Variants in CFAP57 observed in about 807,000 individuals in gnomAD.
CFAP57 encodes the protein cilia and flagella associated protein 57, also known as cilia- and flagella-associated protein 57.
A neutral mutation model predicts 146.8 loss-of-function variants in CFAP57; 116 were observed. The observed-to-expected ratio is 0.79, with a 90% CI of 0.68 to 0.92. The LOEUF (loss-of-function observed/expected upper bound fraction) is 0.92, where lower values mean the gene tolerates loss of function less well. CFAP57 is among the 40% of genes least tolerant of loss of function. The pLI is 0.00. For missense variants in CFAP57, 1,377 were observed against 1,527.2 expected (o/e 0.90, Z 1.64); for synonymous variants, 518 against 552.8 (o/e 0.94, Z 0.88).
intron 2 of CFAP57, among the ~76,000 whole-genome samples, chr1:43,173,737 C>A (rs1645066551): frequency 1.3e-5 from 2 of 152,194 alleles, no homozygotes; most frequent in South Asian, 4.1e-4. Context: ...TGGGAAATAA[C>A]AATCATTTGC....
intron 14 of CFAP57, among the ~76,000 whole-genome samples, chr1:43,221,826 A>G (rs1645056640): frequency 6.6e-6 from 1 of 151,862 alleles, no homozygotes; most frequent in Admixed American, 6.6e-5. Flanking sequence ...TATTTTTCAC[A>G]CTCAGGATAT....
In CFAP57 at chr1:43,238,415, T is replaced by C. The variant is rs1374433459; in HGVS notation, c.3405+3777T>C. Among the ~76,000 whole-genome samples, 3 of 152,172 alleles carry C rather than the reference T, an allele frequency of 2.0e-5. No homozygotes were observed. The highest frequency in any genetic ancestry group is 4.4e-5 in the Non-Finnish European group (3 of 68,022). On this transcript the variant is annotated intron_variant, in intron 21 of 22. Transcript: ENST00000372492. This position sits in a 1 kb window ranked among gnomAD's most constrained non-coding sequence, Gnocchi z 4.3. ...GAGCCCCTTTGCTTAGAAAGCTTTT[T>C]ACATAAACAGTTTCACATCCCCCAA...
chr1:43,247,930 C>A (rs565238931), intron 22 of CFAP57, among the ~76,000 whole-genome samples: 1 of 152,210 alleles, frequency 6.6e-6, no homozygotes, highest in African/African-American at 2.4e-5. Context: ...TCGAGACCAT[C>A]CTGGCTAACA....
chr1:43,207,544 C>T (rs895970195), intron 10 of CFAP57, among the ~76,000 whole-genome samples: 1 of 152,138 alleles, frequency 6.6e-6, no homozygotes, highest in African/African-American at 2.4e-5. Context: ...AAATACACTC[C>T]GTGATGTTTG....
rs1199127867 is a variant in CFAP57 at position 43,172,869 on chromosome 1, T to C, written c.116T>C (p.Val39Ala). The change falls in exon 2 of 23, where the codon GTG becomes GCG. Residue 39 changes from valine to alanine, a missense_variant. Physicochemically the swap from Val to Ala is moderately conservative, Grantham distance 64. Coordinates refer to ENST00000372492, the MANE Select transcript of CFAP57 (RefSeq NM_001378189.1). ...ATATTTCCTTCAGGAAATCACTGTG[T>C]GAAGTACAATGTGGATCAGAAATGG... ...IIIFPSGNHCVKYNVDQKWQK... is the reference protein window; with the variant it reads ...IIIFPSGNHCAKYNVDQKWQK... 2.5e-6 allele frequency: 4 copies of C among 1,614,060 alleles called. No homozygotes were observed. The highest frequency in any genetic ancestry group is 3.3e-5 in the Admixed American group (2 of 60,008).
In CFAP57 at chr1:43,201,943, G is replaced by A. The variant is rs1644143809; in HGVS notation, c.1542+2440G>A. On this transcript the variant is annotated intron_variant, in intron 9 of 22. Transcript: ENST00000372492. This position sits in a 1 kb window ranked among gnomAD's most constrained non-coding sequence, Gnocchi z 4.4. The stretch of plus-strand genomic sequence containing the variant: ...GGACATTATTAATGAGAGCTGCTGA[G>A]CCTCCTCAGCTTCAGCAATATAATT... Among the ~76,000 whole-genome samples the A allele has an allele frequency of 6.6e-6, 1 of 152,130 alleles. No homozygotes were observed.
intron 9 of CFAP57, among the ~76,000 whole-genome samples, chr1:43,205,491 GTGTA>G (rs1644319686): frequency 1.3e-5 from 2 of 152,320 alleles, no homozygotes; most frequent in South Asian, 4.1e-4. Context: ...GCACATGCGT[GTGTA>G]TGTGTGTGTG....
intron 6 of CFAP57, chr1:43,194,556 C>T (rs1305989562): frequency 2.6e-5 from 4 of 152,132 alleles, no homozygotes. Flanking sequence ...TCTTTCTCCT[C>T]TCCTTCTAGC....
chr1:43,249,603 T>C (rs1646261480), intron 22 of CFAP57, among the ~76,000 whole-genome samples: 1 of 143,088 alleles, frequency 7.0e-6, no homozygotes. Context: ...CTAACTTTTT[T>C]TTTTTTTTTT....
At chr1:43,244,185 G>A (rs932180335) in intron 22 of CFAP57, among the ~76,000 whole-genome samples, 1 of 152,150 alleles carries the variant, frequency 6.6e-6, no homozygotes, top group Non-Finnish European at 1.5e-5. Context: ...AAGAGATTAA[G>A]GCATCTCTAT....
In CFAP57 at chr1:43,216,101, C is replaced by T. The variant is rs115911350; in HGVS notation, c.2091+685C>T. 2.2e-3 allele frequency among the ~76,000 whole-genome samples: 341 copies of T among 152,296 alleles called. 1 individual carries two copies. Among genetic ancestry groups the T allele is most frequent in the African/African-American group, 7.6e-3 (314 of 41,568 alleles). ...CTGAATGGATGATAAACACACAAGG[C>T]TCATGGAGGATCGCAAAGCTACACA... On this transcript the variant is annotated intron_variant, in intron 12 of 22. Coordinates refer to ENST00000372492, the MANE Select transcript of CFAP57 (RefSeq NM_001378189.1).
At chr1:43,225,037 G>T (rs987930281) in intron 17 of CFAP57, among the ~76,000 whole-genome samples, 1 of 152,180 alleles carries the variant, frequency 6.6e-6, no homozygotes, top group Non-Finnish European at 1.5e-5. Context: ...GAGTGTCGGT[G>T]TACATATCCA....
At chr1:43,214,100 G>A (rs1269476993) in intron 11 of CFAP57, among the ~76,000 whole-genome samples, 6 of 151,516 alleles carry the variant, frequency 4.0e-5, no homozygotes, top group Non-Finnish European at 5.9e-5. Context: ...TGTCCAGGCC[G>A]GTCTCAAACT....
intron 2 of CFAP57, among the ~76,000 whole-genome samples, chr1:43,175,581 G>A (rs559020757): frequency 1.3e-5 from 2 of 152,000 alleles, no homozygotes; most frequent in East Asian, 3.9e-4. Context: ...CACAATCATA[G>A]CTCACAGCAG....
chr1:43,182,613 A>G (rs1045055713), intron 3 of CFAP57, among the ~76,000 whole-genome samples: 26 of 152,220 alleles, frequency 1.7e-4, no homozygotes, highest in African/African-American at 6.3e-4. Context: ...AGAAGTTGAG[A>G]GGTGAAATTA....
At chr1:43,235,787 T>G (rs1018352880) in intron 21 of CFAP57, among the ~76,000 whole-genome samples, 3 of 152,040 alleles carry the variant, frequency 2.0e-5, no homozygotes, top group African/African-American at 7.3e-5. Context: ...GGCTCTGGAG[T>G]GCAGTGAGCA....
At chr1:43,235,725 A>G (rs541623146) in intron 21 of CFAP57, among the ~76,000 whole-genome samples, 1 of 152,182 alleles carries the variant, frequency 6.6e-6, no homozygotes, top group Admixed American at 6.5e-5. Flanking sequence ...GCAGCCGCAC[A>G]CTGAGCCACT....
At position 43,172,435 on chromosome 1, in the gene CFAP57, A is replaced by AC; in HGVS notation, c.-35dup. The AC allele has an allele frequency of 6.5e-7, 1 of 1,549,652 alleles. No homozygotes were observed. Reference sequence around the variant, plus strand: ...CTCTGGATACATGCGTGGTCTGCTGACCCAGAGAGAAACGAAAGGTGGGAG... The same window carrying AC: ...CTCTGGATACATGCGTGGTCTGCTGACCCCAGAGAGAAACGAAAGGTGGGAG... On this transcript the variant is annotated 5_prime_UTR_variant, in exon 1 of 23. Transcript: ENST00000372492.
chr1:43,177,827 C>T (rs1265853064), intron 2 of CFAP57, among the ~76,000 whole-genome samples: 1 of 152,180 alleles, frequency 6.6e-6, no homozygotes, highest in East Asian at 1.9e-4. Context: ...TGAGCTCAGG[C>T]GGTAATGCTT....
Sources: allele counts gnomAD v4.1 joint callset (sites outside exome capture counted in the v4.1 genomes callset), GRCh38; gene constraint gnomAD v4.1.1; non-coding constraint Gnocchi (gnomAD v3.1); transcripts MANE v1.5; gene names NCBI Gene and HGNC (gene_info 2026-07-23, HGNC 2026-07-21).